DPP6: variants seen among roughly 807,000 people sequenced by gnomAD.
DPP6 encodes the protein dipeptidyl peptidase like 6.
Under a neutral mutation model 122.6 loss-of-function variants are expected in DPP6, and 69 were observed. That is an observed-to-expected ratio of 0.56 (90% CI 0.46 to 0.69). The LOEUF (loss-of-function observed/expected upper bound fraction) is 0.69, where lower values mean the gene tolerates loss of function less well. Ranked by LOEUF, DPP6 falls within the 30% of genes least tolerant of loss-of-function variation. DPP6 has a pLI of 0.00. For synonymous variants in DPP6, 418 were observed against 433.1 expected (o/e 0.97, Z 0.43); for missense variants, 928 against 1,116.9 (o/e 0.83, Z 2.41).
At chr7:153,970,100 G>T (rs1027582710) in intron 1 of DPP6, among the ~76,000 whole-genome samples, 1 of 152,192 alleles carries the variant, frequency 6.6e-6, no homozygotes, top group Non-Finnish European at 1.5e-5. Flanking sequence ...GGACATTTGG[G>T]TTGTTTCCTG....
intron 17 of DPP6, among the ~76,000 whole-genome samples, chr7:154,857,794 A>C (rs142342280): frequency 2.0e-4 from 30 of 152,334 alleles, no homozygotes; most frequent in African/African-American, 5.3e-4. Context: ...TGTGCATATC[A>C]GGCAGCCGAC....
intron 16 of DPP6, among the ~76,000 whole-genome samples, chr7:154,826,695 ATCTCCT>A (rs71965295): frequency 0.074 from 11,324 of 152,206 alleles, 574 homozygotes; most frequent in East Asian, 0.24. Flanking sequence ...AATTAGAAAA[ATCTCCT>A]TACAAAGTGC....
At position 154,151,021 on chromosome 7, in the gene DPP6, T is replaced by C. The variant is rs142199856; in HGVS notation, c.243+97958T>C. Among the ~76,000 whole-genome samples the C allele has an allele frequency of 2.5e-3, 387 of 152,344 alleles. 2 individuals are homozygous for C. The highest frequency in any genetic ancestry group is 8.2e-3 in the African/African-American group (343 of 41,582). On this transcript the variant is annotated intron_variant, in intron 1 of 25. Coordinates refer to ENST00000377770, the MANE Select transcript of DPP6 (RefSeq NM_130797.4). ...CTTGTCTGCAATGGGTCCAGATCTG[T>C]AGACTGTCATCTAACCCCTAGATTC... is the stretch of plus-strand genomic sequence containing the variant.
intron 1 of DPP6, among the ~76,000 whole-genome samples, chr7:154,010,329 A>G (rs575397374): frequency 6.6e-6 from 1 of 152,348 alleles, no homozygotes; most frequent in East Asian, 1.9e-4. Flanking sequence ...GACACATACA[A>G]CGGAAGCCCA....
the DPP6 span, among the ~76,000 whole-genome samples, chr7:153,833,718 C>A: frequency 6.6e-6 from 1 of 151,892 alleles, no homozygotes; most frequent in Non-Finnish European, 1.5e-5. Flanking sequence ...TCAAATTCAC[C>A]TATCTGGCTT....
chr7:153,946,947 G>A (rs758955764), intron 1 of DPP6, among the ~76,000 whole-genome samples: 24 of 152,078 alleles, frequency 1.6e-4, no homozygotes, highest in Admixed American at 1.3e-4. Context: ...CTGAAGAGGA[G>A]CGGATCTAGA....
intron 4 of DPP6, among the ~76,000 whole-genome samples, chr7:154,542,620 CT>C (rs1828822583): frequency 6.6e-6 from 1 of 152,182 alleles, no homozygotes; most frequent in African/African-American, 2.4e-5. Context: ...AAGTTCTCAT[CT>C]CAGAAATTCG....
intron 5 of DPP6, among the ~76,000 whole-genome samples, chr7:154,615,309 A>T (rs1425595610): frequency 6.6e-6 from 1 of 152,134 alleles, no homozygotes; most frequent in Non-Finnish European, 1.5e-5. Flanking sequence ...GCAATTCCTG[A>T]TAGTGAAATA....
At position 154,495,256 on chromosome 7, in the gene DPP6, T is replaced by C. The variant is rs139538205; in HGVS notation, c.457+20219T>C. ...CCCTCAGGGCGTTTCTGCAGGCCCC[T>C]CTCTAGCAGCTGGGGCCATGGTGGG... is the stretch of plus-strand genomic sequence containing the variant. On this transcript the variant is annotated intron_variant, in intron 3 of 25. Transcript: ENST00000377770. 6.4e-3 allele frequency among the ~76,000 whole-genome samples: 969 copies of C among 152,296 alleles called. 4 individuals carry two copies. The highest frequency in any genetic ancestry group is 0.011 in the Non-Finnish European group (719 of 68,016).
At chr7:154,849,838 T>C (rs980484902) in intron 16 of DPP6, among the ~76,000 whole-genome samples, 2 of 152,228 alleles carry the variant, frequency 1.3e-5, no homozygotes, top group Non-Finnish European at 2.9e-5. Flanking sequence ...GGAACATTCC[T>C]TCTATACCTA....
chr7:154,669,801 A>G (rs1838439444), intron 7 of DPP6, among the ~76,000 whole-genome samples: 1 of 152,062 alleles, frequency 6.6e-6, no homozygotes, highest in Non-Finnish European at 1.5e-5. Context: ...TGATTTTGTC[A>G]TCTAAAGATG....
chr7:154,147,993 C>T (rs145295565), intron 1 of DPP6, among the ~76,000 whole-genome samples: 34 of 151,058 alleles, frequency 2.3e-4, no homozygotes, highest in African/African-American at 6.9e-4. Context: ...TTCCCACTCC[C>T]GATCACACTT....
chr7:153,830,060 G>A, the DPP6 span, among the ~76,000 whole-genome samples: 1 of 152,200 alleles, frequency 6.6e-6, no homozygotes, highest in Non-Finnish European at 1.5e-5. Flanking sequence ...GTGTTTATAG[G>A]AGACTGAAAC....
chr7:154,330,035 G>C (rs1001121949), intron 1 of DPP6, among the ~76,000 whole-genome samples: 4 of 152,178 alleles, frequency 2.6e-5, no homozygotes, highest in African/African-American at 4.8e-5. Context: ...CTGTCGGGCG[G>C]TGGAGGGGAA....
At chr7:154,753,499 C>T (rs1356739447) in intron 8 of DPP6, among the ~76,000 whole-genome samples, 7 of 152,120 alleles carry the variant, frequency 4.6e-5, no homozygotes, top group African/African-American at 9.7e-5. Flanking sequence ...TTTCCCCGAG[C>T]GCCACCTCTC....
the DPP6 span, among the ~76,000 whole-genome samples, chr7:153,817,156 A>G: frequency 2.0e-5 from 3 of 149,404 alleles, no homozygotes; most frequent in Non-Finnish European, 4.5e-5. Context: ...CAAAACCTCA[A>G]ATCTGTTTCT....
intron 1 of DPP6, among the ~76,000 whole-genome samples, chr7:154,302,250 C>T (rs192812441): frequency 1.3e-5 from 2 of 152,328 alleles, no homozygotes; most frequent in Admixed American, 1.3e-4. Context: ...TGGCTACTTT[C>T]AAAGCCTCAT....
intron 1 of DPP6, among the ~76,000 whole-genome samples, chr7:154,242,883 G>A (rs1012896550): frequency 6.6e-6 from 1 of 152,232 alleles, no homozygotes; most frequent in Admixed American, 6.5e-5. Context: ...GGCTGGGAAT[G>A]AATGAAGGCA....
intron 1 of DPP6, among the ~76,000 whole-genome samples, chr7:153,912,176 T>C (rs1800119220): frequency 6.6e-6 from 1 of 152,212 alleles, no homozygotes. Flanking sequence ...GTTCCTGTAA[T>C]TTTTGCCACT....
Sources: allele counts gnomAD v4.1 joint callset (sites outside exome capture counted in the v4.1 genomes callset), GRCh38; gene constraint gnomAD v4.1.1; transcripts MANE v1.5; gene names NCBI Gene and HGNC (gene_info 2026-07-23, HGNC 2026-07-21).